Variants in BBS4 observed in about 807,000 individuals in gnomAD.
BBS4 encodes Bardet-Biedl syndrome 4.
A neutral mutation model predicts 71.4 loss-of-function variants in BBS4; 58 were observed. The observed-to-expected ratio is 0.81, with a 90% CI of 0.66 to 1.01. The LOEUF (loss-of-function observed/expected upper bound fraction) is 1.01. Among genes scored for constraint, BBS4 ranks in the 50% least tolerant of loss-of-function variants. The pLI is 0.00. For missense variants in BBS4, 660 were observed against 607.9 expected (o/e 1.09, Z -0.90); for synonymous variants, 228 against 216.8 (o/e 1.05, Z -0.46).
At chr15:72,710,477 G>A (rs935681357) in intron 3 of BBS4, among the ~76,000 whole-genome samples, 17 of 152,200 alleles carry the variant, frequency 1.1e-4, no homozygotes, top group African/African-American at 4.1e-4. Context: ...TGGGATTACA[G>A]GCGTGAGCCA....
intron 14 of BBS4, 72 bp downstream of exon 14, chr15:72,736,038 A>C: frequency 6.4e-7 from 1 of 1,554,908 alleles, no homozygotes; most frequent in Non-Finnish European, 8.8e-7. Flanking sequence ...AGCCCAGATC[A>C]TCCAAATCCA....
chr15:72,728,455 G>A (rs1358380302), intron 9 of BBS4, among the ~76,000 whole-genome samples: 1 of 151,858 alleles, frequency 6.6e-6, no homozygotes, highest in Non-Finnish European at 1.5e-5. Context: ...CTGAGATTGA[G>A]TCACTGCACT....
Position 72,738,310 on chromosome 15 carries a change from T to C in BBS4, c.*723T>C, listed in dbSNP as rs1457535984. 2 of 453,974 alleles carry C rather than the reference T, an allele frequency of 4.4e-6. No homozygotes were observed. The highest frequency in any genetic ancestry group is 4.7e-5 in the Admixed American group (2 of 42,550). The allele number at this position is 453,974 out of a possible 1,614,324, so 28.1% of individuals were successfully genotyped here. A position where few individuals can be genotyped will look rare whatever the true frequency, so the allele number is the denominator to read the frequency against. On this transcript the variant is annotated 3_prime_UTR_variant, in exon 16 of 16. Transcript: ENST00000268057. ...AAGAAAAAAGGAAGAGTTTCTTAGA[T>C]GAGTAATTGTTATTGAAGATAGTCA...
At chr15:72,710,003 C>T (rs1195722031) in intron 3 of BBS4, among the ~76,000 whole-genome samples, 1 of 152,078 alleles carries the variant, frequency 6.6e-6, no homozygotes, top group Non-Finnish European at 1.5e-5. Flanking sequence ...TGCTCATGGG[C>T]TTTCAGATCA....
chr15:72,734,146 C>T (rs1031305506), intron 12 of BBS4, among the ~76,000 whole-genome samples: 1 of 152,078 alleles, frequency 6.6e-6, no homozygotes, highest in Non-Finnish European at 1.5e-5. Flanking sequence ...CCTTATAGAT[C>T]CTGGATATTA....
intron 2 of BBS4, among the ~76,000 whole-genome samples, chr15:72,708,503 A>G (rs1395108648): frequency 6.6e-6 from 1 of 152,184 alleles, no homozygotes; most frequent in Non-Finnish European, 1.5e-5. Context: ...TAATTGTGTT[A>G]ACTGTACAAA....
chr15:72,708,797 CATA>C (rs1278982250), intron 2 of BBS4, among the ~76,000 whole-genome samples: 2 of 152,130 alleles, frequency 1.3e-5, no homozygotes, highest in Non-Finnish European at 2.9e-5. Flanking sequence ...ATGCTGTTGA[CATA>C]AGGACTGAAA....
chr15:72,724,380 GTTTTGGTC>G (rs2065629566), intron 7 of BBS4, 140 bp from the exon 8 acceptor site: 1 of 1,126,170 alleles, frequency 8.9e-7, no homozygotes, highest in African/African-American at 1.5e-5. Context: ...GTTTTGGTAT[GTTTTGGTC>G]TTTGGGTAGT....
intron 8 of BBS4, among the ~76,000 whole-genome samples, chr15:72,726,255 G>A (rs981588759): frequency 6.6e-6 from 1 of 151,746 alleles, no homozygotes; most frequent in Non-Finnish European, 1.5e-5. Flanking sequence ...GGGACTGCAC[G>A]AGCACGCCAC....
chr15:72,709,793 A>C lies in BBS4; in HGVS notation c.156+14A>C. 1 of 1,605,840 alleles carries C rather than the reference A, an allele frequency of 6.2e-7. No individual in the cohort carries two copies. Among genetic ancestry groups the C allele is most frequent in the Non-Finnish European group, 8.5e-7 (1 of 1,173,104 alleles). Reference sequence around the variant, plus strand: ...GAAGCCTGCAAGGTAAGAGATTGCCATAATAATAAAAATGAGAGGCAGGAT... The same window carrying C: ...GAAGCCTGCAAGGTAAGAGATTGCCCTAATAATAAAAATGAGAGGCAGGAT... On this transcript the variant is annotated intron_variant, in intron 3 of 15. Transcript: ENST00000268057.
chr15:72,726,346 A>G (rs951428790), intron 8 of BBS4, among the ~76,000 whole-genome samples: 1 of 152,062 alleles, frequency 6.6e-6, no homozygotes, highest in Non-Finnish European at 1.5e-5. Context: ...TCCTGGCCTC[A>G]AGTGATCTGC....
rs1390369440 is a variant in BBS4 at position 72,716,719 on chromosome 15, G to A, written c.333-59G>A. ...GAAATATGATTAAAATGTGGGACTA[G>A]TAGGGTTAGTCTTCTAAGAATTTTG... On this transcript the variant is annotated intron_variant, in intron 5 of 15. Transcript: ENST00000268057. The A allele has an allele frequency of 1.0e-5, 12 of 1,200,288 alleles. No homozygotes were observed. The South Asian group carries it at 1.5e-4, about 15-fold the overall frequency. The allele number at this position is 1,200,288 out of a possible 1,614,324, so 74.4% of individuals were successfully genotyped here. A position where few individuals can be genotyped will look rare whatever the true frequency, so the allele number is the denominator to read the frequency against.
In BBS4 at chr15:72,688,411, C is replaced by CTTTTTTTTTTTTTTTTTTTTT. The variant is rs58644289; in HGVS notation, c.24+2180_24+2181insTTTTTTTTTTTTTTTTTTTTT. ...GTCCTTTTAGGAAGTGGTATTTTATCTTTTTTTTTTTTTTTTTTTTGAGAC... is the reference window on the plus strand; with the variant it reads ...GTCCTTTTAGGAAGTGGTATTTTATCTTTTTTTTTTTTTTTTTTTTTTTTTTTTTTTTTTTTTTTTTGAGAC... On this transcript the variant is annotated intron_variant, in intron 1 of 15. Coordinates refer to ENST00000268057, the MANE Select transcript of BBS4 (RefSeq NM_033028.5). 2.2e-3 allele frequency among the ~76,000 whole-genome samples: 184 copies of CTTTTTTTTTTTTTTTTTTTTT among 83,048 alleles called. 24 individuals carry two copies. Among genetic ancestry groups the CTTTTTTTTTTTTTTTTTTTTT allele is most frequent in the Non-Finnish European group, 2.7e-3 (127 of 46,980 alleles). 54.5% of individuals were successfully genotyped at this position (83,048 alleles called of 152,430 possible).
intron 4 of BBS4, among the ~76,000 whole-genome samples, chr15:72,713,314 G>GACACACACACACACACACACACACACAC (rs36072427): frequency 7.0e-6 from 1 of 143,442 alleles, no homozygotes; most frequent in Non-Finnish European, 1.5e-5. Context: ...AGGTCTTTGT[G>GACACACACACACACACACACACACACAC]ACACACACAC....
intron 2 of BBS4, among the ~76,000 whole-genome samples, chr15:72,698,486 A>G (rs13379630): frequency 0.044 from 6,703 of 152,142 alleles, 481 homozygotes; most frequent in African/African-American, 0.15. Flanking sequence ...TGAATCATAC[A>G]ATATTTGCCC....
chr15:72,690,602 G>T (rs762883878), intron 1 of BBS4, among the ~76,000 whole-genome samples: 6 of 152,104 alleles, frequency 3.9e-5, no homozygotes, highest in Non-Finnish European at 8.8e-5. Context: ...TATAATACAC[G>T]TACCATAAAA....
intron 1 of BBS4, among the ~76,000 whole-genome samples, chr15:72,690,307 TA>T (rs2064961220): frequency 1.3e-5 from 2 of 152,182 alleles, no homozygotes; most frequent in South Asian, 4.1e-4. Flanking sequence ...TAAAACTATA[TA>T]AAAATGAAGA....
intron 2 of BBS4, among the ~76,000 whole-genome samples, chr15:72,708,159 G>C (rs891777819): frequency 1.3e-5 from 2 of 151,992 alleles, no homozygotes; most frequent in Non-Finnish European, 2.9e-5. Context: ...GTAGAGACAG[G>C]GTTTCACCAT....
intron 2 of BBS4, among the ~76,000 whole-genome samples, chr15:72,702,499 T>C (rs1026126535): frequency 4.6e-5 from 7 of 152,146 alleles, no homozygotes; most frequent in Non-Finnish European, 5.9e-5. Context: ...TTTGAGGAAA[T>C]AAAATAATCT....
Sources: gnomAD v4.1 joint callset for allele counts (sites outside exome capture counted in the v4.1 genomes callset) on GRCh38, gnomAD v4.1.1 for gene constraint, MANE v1.5 for transcripts, NCBI Gene and HGNC (gene_info 2026-07-23, HGNC 2026-07-21) for gene names.